The following DOCK10 variants were observed in gnomAD, a reference collection of about 807,000 sequenced individuals.
The protein encoded by DOCK10 is dedicator of cytokinesis protein 10.
In DOCK10, 145 loss-of-function variants were observed where a neutral mutation model predicts 280.1. The ratio of observed to expected loss-of-function variants is 0.52; its 90% confidence interval spans 0.45 to 0.59. DOCK10 has a LOEUF of 0.59. Among genes scored for constraint, DOCK10 ranks in the 20% least tolerant of loss-of-function variants. The pLI is 0.00. For missense variants in DOCK10, 2,368 were observed against 2,651.7 expected (o/e 0.89, Z 2.35); for synonymous variants, 915 against 942.2 (o/e 0.97, Z 0.53).
intron 28 of DOCK10, among the ~76,000 whole-genome samples, chr2:224,822,571 A>T (rs1694568799): frequency 6.6e-6 from 1 of 152,092 alleles, no homozygotes; most frequent in Non-Finnish European, 1.5e-5. Flanking sequence ...CAAAAAATAC[A>T]AAAATTAGCC....
intron 26 of DOCK10, among the ~76,000 whole-genome samples, chr2:224,832,079 T>C (rs928280674): frequency 1.3e-5 from 2 of 152,202 alleles, no homozygotes; most frequent in African/African-American, 4.8e-5. Flanking sequence ...TCATATTGTA[T>C]ATGTATAGTT....
At chr2:224,900,173 A>T (rs1459439739) in intron 3 of DOCK10, among the ~76,000 whole-genome samples, 3 of 152,152 alleles carry the variant, frequency 2.0e-5, no homozygotes, top group Non-Finnish European at 4.4e-5. Context: ...GTTATGCATG[A>T]TGTTCACAAT....
chr2:224,897,918 T>G (rs1449049426), intron 3 of DOCK10, among the ~76,000 whole-genome samples: 2 of 152,186 alleles, frequency 1.3e-5, no homozygotes, highest in Middle Eastern at 3.2e-3. Context: ...CTCCTTTCTA[T>G]TCTAAAATTA....
chr2:225,038,138 T>C (rs1022066754), intron 1 of DOCK10, among the ~76,000 whole-genome samples: 3 of 152,222 alleles, frequency 2.0e-5, no homozygotes, highest in Non-Finnish European at 4.4e-5. Context: ...CTGTGAATGC[T>C]AAACAACCAG....
chr2:224,787,873 A>G (rs1455631006), intron 48 of DOCK10, among the ~76,000 whole-genome samples: 1 of 151,978 alleles, frequency 6.6e-6, no homozygotes, highest in Admixed American at 6.6e-5. Context: ...CCTCTCAGTG[A>G]CCCCTTCTTT....
At chr2:224,779,343 G>C (rs777841270) in intron 50 of DOCK10, among the ~76,000 whole-genome samples, 1 of 151,920 alleles carries the variant, frequency 6.6e-6, no homozygotes, top group Non-Finnish European at 1.5e-5. Flanking sequence ...GGCCTCCCAA[G>C]TAGCTGGGAC....
intron 3 of DOCK10, among the ~76,000 whole-genome samples, chr2:224,906,542 G>A (rs928916770): frequency 2.6e-5 from 4 of 152,094 alleles, no homozygotes; most frequent in African/African-American, 9.7e-5. Flanking sequence ...GCAGTAGTGT[G>A]ATCTCAGCTC....
intron 24 of DOCK10, among the ~76,000 whole-genome samples, chr2:224,838,994 C>T (rs951502661): frequency 3.9e-5 from 6 of 152,190 alleles, no homozygotes. Flanking sequence ...ATGCAACCAC[C>T]CTGCCCCCCA....
intron 1 of DOCK10, among the ~76,000 whole-genome samples, chr2:224,978,507 G>T (rs1045703052): frequency 6.6e-6 from 1 of 152,144 alleles, no homozygotes; most frequent in Non-Finnish European, 1.5e-5. Context: ...ATTAGGAAGC[G>T]ATTGCTCTGG....
At position 224,765,655 on chromosome 2, in the gene DOCK10, T is replaced by C. The variant is rs539907816; in HGVS notation, c.*66A>G. 37 of 1,137,394 alleles carry C rather than the reference T, an allele frequency of 3.3e-5. No individual in the cohort carries two copies. Among genetic ancestry groups the C allele is most frequent in the Non-Finnish European group, 4.5e-5 (35 of 777,992 alleles). The allele number at this position is 1,137,394 out of a possible 1,614,324, so 70.5% of individuals were successfully genotyped here. ...TTCAAATAAATTAAACCTATCTTTC[T>C]CTTCCCCGAGATTAGCTGCAAATTC... On this transcript the variant is annotated 3_prime_UTR_variant, in exon 56 of 56. Transcript: ENST00000258390.
intron 1 of DOCK10, among the ~76,000 whole-genome samples, chr2:224,974,497 A>G (rs190562206): frequency 5.3e-5 from 8 of 152,158 alleles, no homozygotes; most frequent in Non-Finnish European, 1.2e-4. Flanking sequence ...CCTCAACTGT[A>G]TTACTCAGTT....
At chr2:225,017,958 C>A (rs1271120520) in intron 1 of DOCK10, among the ~76,000 whole-genome samples, 2 of 152,126 alleles carry the variant, frequency 1.3e-5, no homozygotes, top group East Asian at 1.9e-4. Flanking sequence ...TGGTTGCCAG[C>A]CCCCATTCCC....
intron 25 of DOCK10, among the ~76,000 whole-genome samples, 192 bp downstream of exon 25, chr2:224,837,570 T>C (rs905405710): frequency 1.3e-5 from 2 of 152,252 alleles, no homozygotes; most frequent in South Asian, 4.1e-4. Flanking sequence ...ACATTATTTA[T>C]ACATTTAAAA....
intron 1 of DOCK10, among the ~76,000 whole-genome samples, chr2:225,012,936 G>T (rs1689484842): frequency 6.6e-6 from 1 of 152,158 alleles, no homozygotes; most frequent in Non-Finnish European, 1.5e-5. Context: ...AAATAATTGA[G>T]CTTCTATTAG....
At chr2:224,834,051 G>A in intron 26 of DOCK10, 99 bp downstream of exon 26, 1 of 712,546 alleles carries the variant, frequency 1.4e-6, no homozygotes, top group East Asian at 2.6e-5. Flanking sequence ...AACTGCAAGA[G>A]AAAAAGTCTA....
chr2:224,872,026 A>G (rs1392703936), intron 11 of DOCK10, among the ~76,000 whole-genome samples: 3 of 152,200 alleles, frequency 2.0e-5, no homozygotes, highest in African/African-American at 7.2e-5. Flanking sequence ...TGGAATAAGT[A>G]TATTTGGAGA....
At chr2:225,001,563 C>T (rs1706431438) in intron 1 of DOCK10, among the ~76,000 whole-genome samples, 1 of 152,176 alleles carries the variant, frequency 6.6e-6, no homozygotes, top group Non-Finnish European at 1.5e-5. Context: ...GCTGGGATTA[C>T]AGGTATGAGC....
At chr2:224,796,545 G>C in intron 43 of DOCK10, 119 bp from the exon 44 acceptor site, 1 of 639,992 alleles carries the variant, frequency 1.6e-6, no homozygotes, top group South Asian at 2.0e-5. Flanking sequence ...TAAAAGAAGT[G>C]TTTATGTATT....
chr2:224,828,184 C>T (rs1439171453), intron 27 of DOCK10, among the ~76,000 whole-genome samples: 2 of 152,042 alleles, frequency 1.3e-5, no homozygotes, highest in Admixed American at 6.6e-5. Flanking sequence ...GAGAATATAC[C>T]CAAAGAGGCT....
Sources: gnomAD v4.1 joint callset for allele counts (sites outside exome capture counted in the v4.1 genomes callset) on GRCh38, gnomAD v4.1.1 for gene constraint, MANE v1.5 for transcripts, NCBI Gene and HGNC (gene_info 2026-07-23, HGNC 2026-07-21) for gene names.